Variants in MMP16 observed in about 807,000 individuals in gnomAD.
The protein encoded by MMP16 is matrix metallopeptidase 16, also known as matrix metalloproteinase-16.
A neutral mutation model predicts 67.8 loss-of-function variants in MMP16; 12 were observed. That is an observed-to-expected ratio of 0.18 (90% CI 0.11 to 0.29). The LOEUF is 0.29. Ranked by LOEUF, MMP16 falls within the 10% of genes least tolerant of loss-of-function variation. MMP16 has a pLI of 1.00. For synonymous variants in MMP16, 249 were observed against 255.9 expected, an observed-to-expected ratio of 0.97 and a Z score of 0.26; for missense variants, 475 against 765.7, an observed-to-expected ratio of 0.62 and a Z score of 4.48.
intron 3 of MMP16, among the ~76,000 whole-genome samples, chr8:88,176,264 T>A (rs1249512459): frequency 1.3e-5 from 2 of 152,222 alleles, no homozygotes; most frequent in Non-Finnish European, 2.9e-5. Context: ...CATAATTACT[T>A]GTATGCTTAA....
At chr8:88,276,664 T>C (rs951547933) in intron 1 of MMP16, among the ~76,000 whole-genome samples, 3 of 152,128 alleles carry the variant, frequency 2.0e-5, no homozygotes, top group Admixed American at 6.5e-5. Flanking sequence ...TAAAAGCAAG[T>C]ATATAAAACA....
chr8:88,242,732 T>C (rs1428266022), intron 1 of MMP16, among the ~76,000 whole-genome samples: 1 of 152,154 alleles, frequency 6.6e-6, no homozygotes, highest in Non-Finnish European at 1.5e-5. Flanking sequence ...CAGAACTCTA[T>C]TATGGACAAT....
At chr8:88,156,718 C>T (rs1440563265) in intron 4 of MMP16, among the ~76,000 whole-genome samples, 3 of 151,368 alleles carry the variant, frequency 2.0e-5, no homozygotes, top group African/African-American at 7.3e-5. Flanking sequence ...TTTTCAGAAA[C>T]TTAAAGACAT....
chr8:88,047,306 T>C (rs182930769), intron 8 of MMP16, among the ~76,000 whole-genome samples: 127 of 152,326 alleles, frequency 8.3e-4, no homozygotes, highest in Non-Finnish European at 1.4e-3. Context: ...AGATACAACG[T>C]TGGACAACAC....
intron 6 of MMP16, among the ~76,000 whole-genome samples, chr8:88,099,169 T>C (rs1809087857): frequency 6.6e-6 from 1 of 151,664 alleles, no homozygotes; most frequent in African/African-American, 2.4e-5. Context: ...AATTTTTTTA[T>C]ATTATGAAAA....
At chr8:88,171,158 C>G (rs1337002678) in intron 3 of MMP16, among the ~76,000 whole-genome samples, 8 of 152,002 alleles carry the variant, frequency 5.3e-5, no homozygotes, top group Non-Finnish European at 1.5e-5. Flanking sequence ...ATGTGGAGTA[C>G]TATTTGGATT....
chr8:88,171,280 C>T (rs1055555963), intron 3 of MMP16, among the ~76,000 whole-genome samples: 2 of 152,118 alleles, frequency 1.3e-5, no homozygotes, highest in Non-Finnish European at 2.9e-5. Flanking sequence ...GTACACCAAA[C>T]CCTCATCACA....
rs143650450 is a variant in MMP16 at position 88,096,245 on chromosome 8, G to T, written c.1083+20262C>A. On this transcript the variant is annotated intron_variant, in intron 6 of 9. Transcript: ENST00000286614. ...AAAGAATATTAATGGGTTTGATTAT[G>T]AGTTATTTCCCTAGATCCTATGAGA... Among the ~76,000 whole-genome samples, 32 of 151,998 alleles carry T rather than the reference G, an allele frequency of 2.1e-4. No homozygotes were observed. The East Asian group carries it at 6.0e-3, about 29-fold the overall frequency.
intron 4 of MMP16, among the ~76,000 whole-genome samples, chr8:88,131,857 T>G (rs1808036317): frequency 6.6e-6 from 1 of 151,898 alleles, no homozygotes; most frequent in East Asian, 1.9e-4. Context: ...TCTTCTCTCA[T>G]TGTTGAAAGT....
At chr8:88,244,395 G>A (rs767144247) in intron 1 of MMP16, among the ~76,000 whole-genome samples, 3 of 152,146 alleles carry the variant, frequency 2.0e-5, no homozygotes, top group Non-Finnish European at 4.4e-5. Flanking sequence ...TCGAACTCTG[G>A]CAATGAAATA....
At chr8:88,134,979 A>G (rs1425552767) in intron 4 of MMP16, among the ~76,000 whole-genome samples, 4 of 151,708 alleles carry the variant, frequency 2.6e-5, no homozygotes, top group Non-Finnish European at 4.4e-5. Context: ...TCATCATTAA[A>G]AAAAGGATAA....
chr8:88,118,795 T>A lies in MMP16; in HGVS notation c.776A>T (p.Asp259Val). ...GHALGLEHSNDPTAIMAPFYQ... is the reference protein window; with the variant it reads ...GHALGLEHSNVPTAIMAPFYQ... ...AAATGGAGCCATGATGGCAGTGGGG[T>A]CATTGGAATGCTCCAATCCCAGAGC... is the stretch of plus-strand genomic sequence containing the variant. Residue 259 changes from aspartate to valine, a missense_variant, in exon 5 of 10, where the codon GAC becomes GTC. Physicochemically the swap from Asp to Val is radical, Grantham distance 152. Coordinates refer to ENST00000286614, the MANE Select transcript of MMP16 (RefSeq NM_005941.5). 6.2e-7 allele frequency: 1 copy of A among 1,613,214 alleles called. No individual in the cohort carries two copies.
At chr8:88,315,727 A>G (rs1811366782) in intron 1 of MMP16, among the ~76,000 whole-genome samples, 1 of 152,152 alleles carries the variant, frequency 6.6e-6, no homozygotes, top group Admixed American at 6.6e-5. Context: ...CAATTCTACA[A>G]CGGCCTATAA....
chr8:88,317,951 C>A (rs572405388), intron 1 of MMP16, among the ~76,000 whole-genome samples: 1 of 152,038 alleles, frequency 6.6e-6, no homozygotes, highest in African/African-American at 2.4e-5. Context: ...TGAAAAATGT[C>A]GCTTTATATT....
chr8:88,200,011 A>C (rs1809317013), intron 1 of MMP16, among the ~76,000 whole-genome samples: 1 of 152,040 alleles, frequency 6.6e-6, no homozygotes, highest in Non-Finnish European at 1.5e-5. Flanking sequence ...CTGAGAATAC[A>C]CAAAGCCCTT....
chr8:88,239,667 T>C (rs1810004213), intron 1 of MMP16, among the ~76,000 whole-genome samples: 1 of 152,200 alleles, frequency 6.6e-6, no homozygotes. Context: ...GCGTCTTATG[T>C]TTTTTAAATA....
intron 6 of MMP16, among the ~76,000 whole-genome samples, chr8:88,075,471 T>C (rs1270375061): frequency 1.3e-5 from 2 of 152,142 alleles, no homozygotes; most frequent in Non-Finnish European, 2.9e-5. Flanking sequence ...TATAAAGTTG[T>C]TTAATTAATA....
At chr8:88,072,202 A>G (rs1808569000) in intron 7 of MMP16, among the ~76,000 whole-genome samples, 1 of 151,976 alleles carries the variant, frequency 6.6e-6, no homozygotes, top group Non-Finnish European at 1.5e-5. Context: ...GGCTATAAAG[A>G]GAGAGAGTCA....
chr8:88,251,220 T>C (rs1035755941), intron 1 of MMP16, among the ~76,000 whole-genome samples: 1 of 151,904 alleles, frequency 6.6e-6, no homozygotes, highest in African/African-American at 2.4e-5. Context: ...GCTGGAGGCA[T>C]CACACTACCT....
Sources: allele counts gnomAD v4.1 joint callset (sites outside exome capture counted in the v4.1 genomes callset), GRCh38; gene constraint gnomAD v4.1.1; transcripts MANE v1.5; gene names NCBI Gene and HGNC (gene_info 2026-07-23, HGNC 2026-07-21).